The following NXN variants were observed in gnomAD, a reference collection of about 807,000 sequenced individuals.
NXN encodes nucleoredoxin, also known as nucleoredoxin 1.
A neutral mutation model predicts 48.6 loss-of-function variants in NXN; 16 were observed. The ratio of observed to expected loss-of-function variants is 0.33; its 90% CI spans 0.22 to 0.50. The LOEUF is 0.50. NXN is among the 20% of genes least tolerant of loss of function. The pLI is 0.98. For missense variants in NXN, 492 were observed against 605.5 expected, an observed-to-expected ratio of 0.81 and a Z score of 1.97; for synonymous variants, 281 against 269.6, an observed-to-expected ratio of 1.04 and a Z score of -0.41.
At chr17:880,469 A>G (rs1271486121) in intron 1 of NXN, among the ~76,000 whole-genome samples, 3 of 152,156 alleles carry the variant, frequency 2.0e-5, no homozygotes, top group East Asian at 3.9e-4. Flanking sequence ...CCTGGAGAGA[A>G]AATCTTGGAA....
At chr17:913,711 T>C (rs1424735256) in intron 1 of NXN, among the ~76,000 whole-genome samples, 2 of 151,876 alleles carry the variant, frequency 1.3e-5, no homozygotes, top group Non-Finnish European at 2.9e-5. Context: ...TCAGATGACT[T>C]TTCTCTCCTG....
chr17:836,963 C>CTATTATTAT (rs5818770), intron 1 of NXN, among the ~76,000 whole-genome samples: 2,661 of 144,892 alleles, frequency 0.018, 55 homozygotes, highest in African/African-American at 0.051. Context: ...AGCTTAGTTG[C>CTATTATTAT]TATTATTATT....
intron 1 of NXN, among the ~76,000 whole-genome samples, chr17:976,448 A>G (rs551777402): frequency 9.5e-4 from 145 of 152,368 alleles, no homozygotes; most frequent in African/African-American, 3.4e-3. Flanking sequence ...GCATGGGCTT[A>G]AAGAACAAAT....
intron 1 of NXN, among the ~76,000 whole-genome samples, chr17:870,502 G>A (rs905075413): frequency 1.3e-5 from 2 of 152,076 alleles, no homozygotes; most frequent in Non-Finnish European, 2.9e-5. Context: ...TAGCACCTTG[G>A]GAGGCCAAGG....
chr17:827,426 T>C (rs1451581376), intron 1 of NXN, among the ~76,000 whole-genome samples: 1 of 152,034 alleles, frequency 6.6e-6, no homozygotes, highest in Non-Finnish European at 1.5e-5. Flanking sequence ...ATCGAGACCA[T>C]CCTGGCTAAC....
chr17:851,439 A>G (rs1480959775), intron 1 of NXN, among the ~76,000 whole-genome samples: 2 of 152,264 alleles, frequency 1.3e-5, no homozygotes, highest in African/African-American at 4.8e-5. Context: ...ATCTGAGGTC[A>G]CTGTGTCCGC....
chr17:846,835 G>C (rs2067867558), intron 1 of NXN, among the ~76,000 whole-genome samples: 1 of 152,056 alleles, frequency 6.6e-6, no homozygotes, highest in African/African-American at 2.4e-5. Flanking sequence ...ACAAAGGCGA[G>C]AAGGGAAAAG....
chr17:945,071 G>A (rs1426214736), intron 1 of NXN, among the ~76,000 whole-genome samples: 2 of 152,138 alleles, frequency 1.3e-5, no homozygotes, highest in Non-Finnish European at 2.9e-5. Context: ...ATGGTGGGCA[G>A]CAAGTATTTC....
chr17:892,729 C>T (rs2068436820), intron 1 of NXN, among the ~76,000 whole-genome samples: 1 of 152,182 alleles, frequency 6.6e-6, no homozygotes, highest in Admixed American at 6.5e-5. Context: ...TAGTGACAAT[C>T]GAAAATGGTT....
chr17:837,080 G>A (rs948291795), intron 1 of NXN, among the ~76,000 whole-genome samples: 8 of 152,016 alleles, frequency 5.3e-5, no homozygotes, highest in African/African-American at 1.7e-4. Flanking sequence ...CCGGGCTCAC[G>A]TGATCCCCCC....
rs890187658 is a variant in NXN at position 803,905 on chromosome 17, C to A, written c.1001-99G>T. ...AGGGGGCCTGAGCTGCAGAAACGCCCGCCTGAGCGGCCCCTGAACGGAAAT... is the reference window on the plus strand; with the variant it reads ...AGGGGGCCTGAGCTGCAGAAACGCCAGCCTGAGCGGCCCCTGAACGGAAAT... On this transcript the variant is annotated intron_variant, in intron 6 of 7. Transcript: ENST00000336868. 4 of 1,507,122 alleles carry A rather than the reference C, an allele frequency of 2.7e-6. No individual in the cohort carries two copies. The South Asian group carries it at 3.5e-5, about 13-fold the overall frequency. 93.4% of individuals were successfully genotyped at this position (1,507,122 alleles called of 1,614,324 possible).
chr17:834,171 A>G (rs1913656708), intron 1 of NXN, among the ~76,000 whole-genome samples: 1 of 152,134 alleles, frequency 6.6e-6, no homozygotes, highest in Non-Finnish European at 1.5e-5. Context: ...AAAAATACAA[A>G]AATTAGCCAG....
intron 1 of NXN, among the ~76,000 whole-genome samples, chr17:943,536 AC>A (rs2069005049): frequency 6.6e-6 from 1 of 152,230 alleles, no homozygotes; most frequent in African/African-American, 2.4e-5. Flanking sequence ...AAAGAATATT[AC>A]CGGGCTGGGC....
rs534874593 is a variant in NXN, at chr17:830,894, G to C, written c.361-4816C>G. Reference sequence around the variant, plus strand: ...AGGCACCTGTAATCCCAGCTACTCAGAGGGCTGAGGCAGGAGAATCACTTG... The same window carrying C: ...AGGCACCTGTAATCCCAGCTACTCACAGGGCTGAGGCAGGAGAATCACTTG... On this transcript the variant is annotated intron_variant, in intron 1 of 7. Coordinates refer to ENST00000336868, the MANE Select transcript of NXN (RefSeq NM_022463.5). This position sits in a 1 kb window ranked among gnomAD's most constrained non-coding sequence, Gnocchi z 4.2. Among the ~76,000 whole-genome samples, 1 of 152,036 alleles carries C rather than the reference G, an allele frequency of 6.6e-6. No homozygotes were observed. The highest frequency in any genetic ancestry group is 1.9e-4 in the East Asian group (1 of 5,160).
At chr17:819,821 C>T (rs1325160060) in intron 4 of NXN, among the ~76,000 whole-genome samples, 1 of 152,152 alleles carries the variant, frequency 6.6e-6, no homozygotes, top group Admixed American at 6.6e-5. Flanking sequence ...TCCAACTTTC[C>T]ATTTCTCAGC....
chr17:970,945 CTTT>C (rs398058506), intron 1 of NXN, among the ~76,000 whole-genome samples: 16 of 133,970 alleles, frequency 1.2e-4, no homozygotes, highest in Admixed American at 3.0e-4. Context: ...ATATGAGACT[CTTT>C]TTTTTTTTTT....
At chr17:813,885 G>A (rs1333034036) in intron 5 of NXN, among the ~76,000 whole-genome samples, 2 of 151,760 alleles carry the variant, frequency 1.3e-5, no homozygotes, top group Non-Finnish European at 2.9e-5. Flanking sequence ...AAGATCGCTT[G>A]AACCCGGGAG....
At chr17:847,615 G>A (rs550263479) in intron 1 of NXN, among the ~76,000 whole-genome samples, 11 of 152,190 alleles carry the variant, frequency 7.2e-5, no homozygotes, top group Admixed American at 1.3e-4. Context: ...AATCGTGTCC[G>A]ACACTAAGAA....
chr17:841,625 GGCAA>G (rs1456869830), intron 1 of NXN, among the ~76,000 whole-genome samples: 6 of 86,270 alleles, frequency 7.0e-5, no homozygotes, highest in African/African-American at 1.6e-4. Flanking sequence ...ATCTCACACG[GGCAA>G]GCAGGTCCAC....
Sources: allele counts gnomAD v4.1 joint callset (sites outside exome capture counted in the v4.1 genomes callset), GRCh38; gene constraint gnomAD v4.1.1; non-coding constraint Gnocchi (gnomAD v3.1); transcripts MANE v1.5; gene names NCBI Gene and HGNC (gene_info 2026-07-23, HGNC 2026-07-21).